NEGR1: variants seen among roughly 807,000 people sequenced by gnomAD.
NEGR1 encodes IgLON family member 4.
In NEGR1, 10 loss-of-function variants were observed where a neutral mutation model predicts 40.9. The ratio of observed to expected loss-of-function variants is 0.24; its 90% CI spans 0.15 to 0.42. The LOEUF is 0.42. NEGR1 is among the 10% of genes least tolerant of loss of function. The probability of loss-of-function intolerance (pLI) is 1.00; values close to 1 mark genes in which losing one functional copy is unlikely to be tolerated. For synonymous variants in NEGR1, 185 were observed against 166.8 expected, an observed-to-expected ratio of 1.11 and a Z score of -0.84; for missense variants, 352 against 438.9, an observed-to-expected ratio of 0.80 and a Z score of 1.77.
intron 1 of NEGR1, among the ~76,000 whole-genome samples, chr1:72,082,724 A>C (rs141509561): frequency 1.3e-5 from 2 of 152,186 alleles, no homozygotes; most frequent in East Asian, 3.9e-4. Context: ...CAAAAAAAAA[A>C]AAACTAATGG....
intron 6 of NEGR1, among the ~76,000 whole-genome samples, chr1:71,446,052 A>G (rs991068479): frequency 6.6e-6 from 1 of 152,262 alleles, no homozygotes; most frequent in African/African-American, 2.4e-5. Context: ...TGTTTTTAAA[A>G]TAGTGAAGAC....
chr1:71,975,477 G>A (rs1646293847), intron 1 of NEGR1, among the ~76,000 whole-genome samples: 1 of 152,162 alleles, frequency 6.6e-6, no homozygotes, highest in African/African-American at 2.4e-5. Flanking sequence ...CCACTTCAAT[G>A]GAATGCTCTT....
intron 4 of NEGR1, among the ~76,000 whole-genome samples, chr1:71,621,522 T>A (rs1650607976): frequency 6.6e-6 from 1 of 151,884 alleles, no homozygotes; most frequent in Non-Finnish European, 1.5e-5. Flanking sequence ...TAATGTTTTT[T>A]TAATATTTAA....
At chr1:72,103,502 T>A (rs931744307) in intron 1 of NEGR1, among the ~76,000 whole-genome samples, 2 of 152,148 alleles carry the variant, frequency 1.3e-5, no homozygotes, top group Non-Finnish European at 2.9e-5. Flanking sequence ...AGTATGCTTC[T>A]TGACTTCTCT....
intron 6 of NEGR1, among the ~76,000 whole-genome samples, chr1:71,549,505 G>A (rs1298230252): frequency 6.6e-6 from 1 of 151,688 alleles, no homozygotes; most frequent in Non-Finnish European, 1.5e-5. Context: ...TGGAAGGAGA[G>A]GAGAGCCAAA....
intron 1 of NEGR1, among the ~76,000 whole-genome samples, chr1:72,118,974 G>A (rs1313783345): frequency 1.3e-5 from 2 of 151,410 alleles, no homozygotes; most frequent in African/African-American, 4.8e-5. Context: ...GGTTATTGGT[G>A]AAAAATTTTA....
At chr1:72,128,933 T>C (rs1650135738) in intron 1 of NEGR1, among the ~76,000 whole-genome samples, 2 of 152,188 alleles carry the variant, frequency 1.3e-5, no homozygotes, top group Admixed American at 6.5e-5. Context: ...TCAATCTGCC[T>C]GACTGCTTGA....
intron 6 of NEGR1, chr1:71,408,635 T>C (rs942719325): frequency 5.3e-5 from 8 of 151,962 alleles, no homozygotes; most frequent in Admixed American, 3.9e-4. Flanking sequence ...GTGCTTGGAC[T>C]TGTTTGAGAC....
chr1:71,872,908 A>G (rs1660319385), intron 2 of NEGR1, among the ~76,000 whole-genome samples: 4 of 151,838 alleles, frequency 2.6e-5, no homozygotes, highest in Admixed American at 2.6e-4. Context: ...TTTTTACTTC[A>G]TTTCTTGTTT....
intron 1 of NEGR1, among the ~76,000 whole-genome samples, chr1:71,964,622 C>T (rs893974770): frequency 6.6e-6 from 1 of 152,108 alleles, no homozygotes; most frequent in African/African-American, 2.4e-5. Flanking sequence ...ATAAGCCAAC[C>T]TCACTGTGTT....
chr1:71,739,211 A>AAAAAAAC (rs1557634051), intron 3 of NEGR1, among the ~76,000 whole-genome samples: 2 of 147,224 alleles, frequency 1.4e-5, no homozygotes, highest in Admixed American at 6.8e-5. Context: ...AAAAAAAAAA[A>AAAAAAAC]AAAAAACAAA....
intron 6 of NEGR1, among the ~76,000 whole-genome samples, chr1:71,528,268 T>C (rs1460533308): frequency 6.6e-6 from 1 of 151,406 alleles, no homozygotes; most frequent in African/African-American, 2.4e-5. Flanking sequence ...TGTTCATATA[T>C]GTGAAGATTT....
At chr1:71,781,929 C>T (rs1013560501) in intron 2 of NEGR1, among the ~76,000 whole-genome samples, 1 of 152,098 alleles carries the variant, frequency 6.6e-6, no homozygotes, top group Non-Finnish European at 1.5e-5. Flanking sequence ...ACTTCTCATA[C>T]CTCAAAAATT....
At chr1:71,826,151 G>A (rs994125801) in intron 2 of NEGR1, among the ~76,000 whole-genome samples, 3 of 151,752 alleles carry the variant, frequency 2.0e-5, no homozygotes, top group Non-Finnish European at 2.9e-5. Context: ...AAATTGTTTG[G>A]ATTTTAGTTT....
intron 1 of NEGR1, among the ~76,000 whole-genome samples, chr1:72,154,683 C>T (rs1406796624): frequency 1.3e-5 from 2 of 151,966 alleles, no homozygotes; most frequent in African/African-American, 2.4e-5. Flanking sequence ...TTTATAATGA[C>T]ATATTCTTAT....
At chr1:71,709,684 T>G (rs900431638) in intron 3 of NEGR1, among the ~76,000 whole-genome samples, 1 of 152,170 alleles carries the variant, frequency 6.6e-6, no homozygotes, top group Non-Finnish European at 1.5e-5. Flanking sequence ...TGAAACTAGA[T>G]TCCTGTTTCT....
chr1:71,562,445 T>C (rs1648492122), intron 6 of NEGR1, among the ~76,000 whole-genome samples: 1 of 151,756 alleles, frequency 6.6e-6, no homozygotes, highest in Admixed American at 6.6e-5. Context: ...TCTTGACAAA[T>C]CTTAATAATC....
chr1:71,622,999 T>C (rs1650657907), intron 4 of NEGR1, among the ~76,000 whole-genome samples: 1 of 151,870 alleles, frequency 6.6e-6, no homozygotes, highest in Non-Finnish European at 1.5e-5. Flanking sequence ...AAAAGAACAT[T>C]TAAAAAGTTG....
chr1:71,467,182 G>T (rs1233406342), intron 6 of NEGR1, among the ~76,000 whole-genome samples: 2 of 152,066 alleles, frequency 1.3e-5, no homozygotes, highest in Non-Finnish European at 2.9e-5. Flanking sequence ...CTGAAGGTTG[G>T]ATTATTTTGT....
Sources: allele counts gnomAD v4.1 joint callset (sites outside exome capture counted in the v4.1 genomes callset), GRCh38; gene constraint gnomAD v4.1.1; transcripts MANE v1.5; gene names NCBI Gene and HGNC (gene_info 2026-07-23, HGNC 2026-07-21).